PCDHGA5: variants seen among roughly 807,000 people sequenced by gnomAD.
PCDHGA5 encodes the protein protocadherin gamma-A5.
A neutral mutation model predicts 56.7 loss-of-function variants in PCDHGA5; 36 were observed. The ratio of observed to expected loss-of-function variants is 0.64; its 90% confidence interval spans 0.49 to 0.84. The LOEUF is 0.84. Ranked by LOEUF, PCDHGA5 falls within the 40% of genes least tolerant of loss-of-function variation. PCDHGA5 has a pLI of 0.00. For synonymous variants in PCDHGA5, 563 were observed against 520.2 expected, an observed-to-expected ratio of 1.08 and a Z score of -1.12; for missense variants, 1,305 against 1,201.5, an observed-to-expected ratio of 1.09 and a Z score of -1.27.
chr5:141,486,150 G>T lies in PCDHGA5; in HGVS notation c.2422-8657G>T. The T allele has an allele frequency of 6.2e-7, 1 of 1,614,180 alleles. No individual in the cohort carries two copies. The highest frequency in any genetic ancestry group is 8.5e-7 in the Non-Finnish European group (1 of 1,180,030). On this transcript the variant is annotated intron_variant, in intron 1 of 3. Transcript: ENST00000518069. This position sits in a 1 kb window ranked among gnomAD's most constrained non-coding sequence, Gnocchi z 5.0. The stretch of plus-strand genomic sequence containing the variant: ...TTTGATGTGCGGGCTCGCGATGGGG[G>T]TTCTCCAGCCATGGAGCAACATTGC...
intron 1 of PCDHGA5, chr5:141,374,086 G>T: frequency 6.5e-7 from 1 of 1,529,104 alleles, no homozygotes. Context: ...AGCCAGTAAT[G>T]GCGCCTCCGC....
At chr5:141,453,807 A>G (rs752553367) in intron 1 of PCDHGA5, among the ~76,000 whole-genome samples, 3 of 152,250 alleles carry the variant, frequency 2.0e-5, no homozygotes, top group Non-Finnish European at 4.4e-5. Flanking sequence ...GAGTAGTTCC[A>G]TAAAGGACAA....
intron 1 of PCDHGA5, chr5:141,405,569 A>G: frequency 1.7e-6 from 1 of 604,184 alleles, no homozygotes. Context: ...GGACTAGAGT[A>G]GAGTAGCTGG....
intron 1 of PCDHGA5, among the ~76,000 whole-genome samples, chr5:141,373,077 A>C (rs1216533246): frequency 6.6e-6 from 1 of 152,210 alleles, no homozygotes; most frequent in Non-Finnish European, 1.5e-5. Flanking sequence ...TTAATACAGT[A>C]TTATCTCACA....
chr5:141,397,407 G>C (rs1383716790), intron 1 of PCDHGA5, among the ~76,000 whole-genome samples: 1 of 152,108 alleles, frequency 6.6e-6, no homozygotes. Context: ...TTACAAAATA[G>C]TTTTAAATAG....
intron 1 of PCDHGA5, chr5:141,417,894 G>A (rs751319373): frequency 1.3e-5 from 21 of 1,573,688 alleles, no homozygotes; most frequent in African/African-American, 2.7e-5. Context: ...CGCCGGGCCG[G>A]CCCGCGGCAG....
chr5:141,502,457 A>G lies in PCDHGA5; in HGVS notation c.2481-2936A>G, dbSNP rs950959171. 6.6e-5 allele frequency among the ~76,000 whole-genome samples: 10 copies of G among 151,926 alleles called. No individual in the cohort carries two copies. The South Asian group carries it at 1.7e-3, about 25-fold the overall frequency. On this transcript the variant is annotated intron_variant, in intron 2 of 3. Coordinates refer to ENST00000518069, the MANE Select transcript of PCDHGA5 (RefSeq NM_018918.3). The stretch of plus-strand genomic sequence containing the variant: ...TTAGATTCAGATTACACACCTTGGT[A>G]GGAATACTTCCCGCAGCATCACACT...
Position 141,364,683 on chromosome 5 carries a change from G to C in PCDHGA5, c.353G>C (p.Gly118Ala). ...ILVENKMKIY[G>A]VEVEIIDIND... ...GTTGAGAACAAAATGAAAATTTATG[G>C]AGTAGAAGTAGAAATAATCGATATT... Residue 118 changes from glycine to alanine, a missense_variant, in exon 1 of 4, where the codon GGA becomes GCA. Coordinates refer to ENST00000518069, the MANE Select transcript of PCDHGA5 (RefSeq NM_018918.3). 1 of 1,613,976 alleles carries C rather than the reference G, an allele frequency of 6.2e-7. No individual in the cohort carries two copies. The highest frequency in any genetic ancestry group is 8.5e-7 in the Non-Finnish European group (1 of 1,179,884).
At position 141,491,884 on chromosome 5, in the gene PCDHGA5, G is replaced by A. The variant is rs745931108; in HGVS notation, c.2422-2923G>A. The A allele has an allele frequency of 2.8e-6, 4 of 1,446,372 alleles. No homozygotes were observed. The highest frequency in any genetic ancestry group is 2.9e-5 in the Admixed American group (1 of 34,718). 89.6% of individuals were successfully genotyped at this position (1,446,372 alleles called of 1,614,324 possible). ...AACCAGAGTGGCCGATTAAGGGATG[G>A]GGCTCCGAGCACCGGGGGTGGTGGC... On this transcript the variant is annotated intron_variant, in intron 1 of 3. Coordinates refer to ENST00000518069, the MANE Select transcript of PCDHGA5 (RefSeq NM_018918.3). This position sits in a 1 kb window ranked among gnomAD's most constrained non-coding sequence, Gnocchi z 6.9.
At position 141,369,932 on chromosome 5, in the gene PCDHGA5, G is replaced by C. The variant is rs571012686; in HGVS notation, c.2421+3181G>C. On this transcript the variant is annotated intron_variant, in intron 1 of 3. Transcript: ENST00000518069. ...AAAATGGAAACTAAAAACGTGACGG[G>C]ATTGAGCAAGATTATCTCTGCCCTT... Among the ~76,000 whole-genome samples the C allele has an allele frequency of 4.6e-5, 7 of 152,304 alleles. No homozygotes were observed. In the South Asian group the frequency reaches 1.5e-3, roughly 32 times the overall value.
At chr5:141,497,848 T>C (rs2099779951) in intron 2 of PCDHGA5, among the ~76,000 whole-genome samples, 1 of 152,178 alleles carries the variant, frequency 6.6e-6, no homozygotes, top group South Asian at 2.1e-4. Flanking sequence ...AACAAACATT[T>C]TTGATTCAGC....
At position 141,432,688 on chromosome 5, in the gene PCDHGA5, A is replaced by G. The variant is rs143889434; in HGVS notation, c.2422-62119A>G. On this transcript the variant is annotated intron_variant, in intron 1 of 3. Coordinates refer to ENST00000518069, the MANE Select transcript of PCDHGA5 (RefSeq NM_018918.3). The surrounding 1 kb of genome is among the most constrained non-coding windows in gnomAD (Gnocchi z 6.0). ...GAGACGCGCTCAAGCAGAGCCTCGT[A>G]GTGGCCGTCCAGGACCACGGCCAGC... 2,218 of 1,613,894 alleles carry G rather than the reference A, an allele frequency of 1.4e-3. 31 individuals are homozygous for G. The African/African-American group carries it at 0.023, about 17-fold the overall frequency.
At chr5:141,399,942 G>T (rs780939486) in intron 1 of PCDHGA5, 2 of 1,612,258 alleles carry the variant, frequency 1.2e-6, no homozygotes, top group Admixed American at 3.3e-5. Flanking sequence ...ACCACGTGCT[G>T]CAGGCTAGCG....
chr5:141,482,645 G>A (rs1267966412), intron 1 of PCDHGA5, among the ~76,000 whole-genome samples: 1 of 152,120 alleles, frequency 6.6e-6, no homozygotes, highest in Admixed American at 6.5e-5. Context: ...TAGAGGTGGT[G>A]ATGCTTGAGC....
At chr5:141,423,936 G>A (rs2096792092) in intron 1 of PCDHGA5, 1 of 1,225,102 alleles carries the variant, frequency 8.2e-7, no homozygotes. Context: ...TTGGTTTGAA[G>A]TAAGTTGAAT....
At chr5:141,437,529 C>T (rs1205365959) in intron 1 of PCDHGA5, among the ~76,000 whole-genome samples, 1 of 152,102 alleles carries the variant, frequency 6.6e-6, no homozygotes, top group African/African-American at 2.4e-5. Flanking sequence ...GACAAATGAG[C>T]AAATTGTATC....
intron 1 of PCDHGA5, among the ~76,000 whole-genome samples, chr5:141,457,440 A>G (rs188608086): frequency 3.9e-5 from 6 of 152,334 alleles, no homozygotes; most frequent in Non-Finnish European, 8.8e-5. Flanking sequence ...ACCAAGCTGC[A>G]GAAGATCACC....
At chr5:141,429,770 A>T (rs2097244120) in intron 1 of PCDHGA5, among the ~76,000 whole-genome samples, 1 of 152,122 alleles carries the variant, frequency 6.6e-6, no homozygotes, top group Admixed American at 6.6e-5. Context: ...CTATATTTTG[A>T]TGGGCTTCCA....
At chr5:141,394,057 T>C (rs1318938543) in intron 1 of PCDHGA5, 1 of 1,613,750 alleles carries the variant, frequency 6.2e-7, no homozygotes, top group East Asian at 2.2e-5. Flanking sequence ...CGAGAAAATG[T>C]CTCTATCTAC....
Sources: gnomAD v4.1 joint callset for allele counts (sites outside exome capture counted in the v4.1 genomes callset) on GRCh38, gnomAD v4.1.1 for gene constraint, Gnocchi (gnomAD v3.1) non-coding constraint, MANE v1.5 for transcripts, NCBI Gene and HGNC (gene_info 2026-07-23, HGNC 2026-07-21) for gene names.